MLIP: variants seen among roughly 807,000 people sequenced by gnomAD.
MLIP encodes the protein muscular LMNA interacting protein.
In MLIP, 79 loss-of-function variants were observed where a neutral mutation model predicts 84.8. The observed-to-expected ratio is 0.93, with a 90% CI of 0.78 to 1.12. The LOEUF (loss-of-function observed/expected upper bound fraction) is 1.12. Ranked by LOEUF, MLIP falls within the 50% of genes most tolerant of loss-of-function variation. The pLI, the probability that MLIP is intolerant of heterozygous loss-of-function variation, is 0.00. For missense variants in MLIP, 1,257 were observed against 1,160.6 expected, an observed-to-expected ratio of 1.08 and a Z score of -1.21; for synonymous variants, 504 against 463.0, an observed-to-expected ratio of 1.09 and a Z score of -1.14.
chr6:54,149,228 C>T, intron 5 of MLIP, 101 bp downstream of exon 5: 1 of 1,045,060 alleles, frequency 9.6e-7, no homozygotes, highest in Non-Finnish European at 1.4e-6. Flanking sequence ...TAAAGTTCTG[C>T]CTTTACTAAA....
At position 54,169,427 on chromosome 6, in the gene MLIP, G is replaced by C. The variant is rs192757141; in HGVS notation, c.2500-101G>C. On this transcript the variant is annotated intron_variant, in intron 8 of 13. Transcript: ENST00000502396. ...TATTGTATAGAGAGAGCAATGTTTAGAAAGTCTCAATTGAGAAGAAGGTGA... is the reference window on the plus strand; with the variant it reads ...TATTGTATAGAGAGAGCAATGTTTACAAAGTCTCAATTGAGAAGAAGGTGA... The C allele has an allele frequency of 3.0e-4, 192 of 644,434 alleles. 1 individual carries two copies. In the African/African-American group the frequency reaches 3.4e-3, roughly 11 times the overall value. The allele number at this position is 644,434 out of a possible 1,614,324, so 39.9% of individuals were successfully genotyped here.
chr6:54,178,016 G>A (rs1374670539), intron 9 of MLIP, among the ~76,000 whole-genome samples: 1 of 152,082 alleles, frequency 6.6e-6, no homozygotes, highest in Non-Finnish European at 1.5e-5. Context: ...GACACGGGCA[G>A]GGTGGAGGGG....
intron 1 of MLIP, among the ~76,000 whole-genome samples, chr6:54,071,600 T>C (rs1426364863): frequency 2.0e-5 from 3 of 152,294 alleles, no homozygotes; most frequent in Middle Eastern, 3.4e-3. Flanking sequence ...AAAATATAAA[T>C]GACTTTTAAA....
chr6:54,112,571 A>AGGAAGATGTAT, intron 1 of MLIP, among the ~76,000 whole-genome samples: 1 of 152,290 alleles, frequency 6.6e-6, no homozygotes. Flanking sequence ...GTTATTCTCC[A>AGGAAGATGTAT]ACAGTAACTC....
At chr6:54,188,530 C>T (rs1207831594) in intron 9 of MLIP, among the ~76,000 whole-genome samples, 2 of 152,028 alleles carry the variant, frequency 1.3e-5, no homozygotes, top group South Asian at 4.2e-4. Flanking sequence ...CTTAGGCCTA[C>T]ACAGAGTCAA....
intron 12 of MLIP, among the ~76,000 whole-genome samples, chr6:54,249,512 T>C (rs1782309906): frequency 6.6e-6 from 1 of 151,914 alleles, no homozygotes; most frequent in Non-Finnish European, 1.5e-5. Context: ...GAGAGGAGCT[T>C]TTTCCACATA....
At chr6:54,121,229 C>T (rs997978268) in intron 1 of MLIP, among the ~76,000 whole-genome samples, 2 of 152,142 alleles carry the variant, frequency 1.3e-5, no homozygotes, top group African/African-American at 2.4e-5. Context: ...AGGATCTTCC[C>T]TGGGTGGTAT....
In MLIP at chr6:54,252,479, A is replaced by G. The variant is rs1184002950; in HGVS notation, c.2923-4829A>G. 5.8e-4 allele frequency among the ~76,000 whole-genome samples: 81 copies of G among 139,524 alleles called. 1 individual carries two copies. Among genetic ancestry groups the G allele is most frequent in the Non-Finnish European group, 1.1e-4 (7 of 65,992 alleles). The allele number at this position is 139,524 out of a possible 152,430, so 91.5% of individuals were successfully genotyped here. A position where few individuals can be genotyped will look rare whatever the true frequency, so the allele number is the denominator to read the frequency against. On this transcript the variant is annotated intron_variant, in intron 12 of 13. Coordinates refer to ENST00000502396, the MANE Select transcript of MLIP (RefSeq NM_001281747.2). ...TTATAACATATAATATAAATATAAT[A>G]TATTATAACATAATATAAATATAAT...
At chr6:54,105,709 G>A (rs1156317322) in intron 1 of MLIP, among the ~76,000 whole-genome samples, 1 of 152,102 alleles carries the variant, frequency 6.6e-6, no homozygotes, top group Non-Finnish European at 1.5e-5. Context: ...ATATAAGGTG[G>A]TAAGGGATCT....
chr6:54,144,782 A>T (rs1011670160), intron 4 of MLIP, among the ~76,000 whole-genome samples: 1 of 152,208 alleles, frequency 6.6e-6, no homozygotes, highest in African/African-American at 2.4e-5. Flanking sequence ...CAAAGCAACT[A>T]ACATAGTTCA....
At chr6:54,112,844 C>T (rs1163982248) in intron 1 of MLIP, among the ~76,000 whole-genome samples, 1 of 152,068 alleles carries the variant, frequency 6.6e-6, no homozygotes, top group Non-Finnish European at 1.5e-5. Flanking sequence ...AAAAGCATAC[C>T]TTATTCATTG....
chr6:54,251,274 T>A (rs1453299486), intron 12 of MLIP, among the ~76,000 whole-genome samples: 1 of 151,208 alleles, frequency 6.6e-6, no homozygotes, highest in Non-Finnish European at 1.5e-5. Context: ...TGACAGCCTG[T>A]CATAAATGCA....
chr6:54,220,612 T>C (rs1270877725), intron 11 of MLIP, among the ~76,000 whole-genome samples: 1 of 152,310 alleles, frequency 6.6e-6, no homozygotes, highest in Middle Eastern at 3.4e-3. Flanking sequence ...TATGGGAGTT[T>C]TATTATGCAG....
intron 9 of MLIP, among the ~76,000 whole-genome samples, chr6:54,178,131 G>A (rs1776487578): frequency 1.3e-5 from 2 of 152,046 alleles, no homozygotes; most frequent in South Asian, 2.1e-4. Context: ...GTTGATAGGT[G>A]TAGAAACCAC....
At chr6:54,104,122 T>C (rs1298986794) in intron 1 of MLIP, among the ~76,000 whole-genome samples, 1 of 152,158 alleles carries the variant, frequency 6.6e-6, no homozygotes, top group Admixed American at 6.5e-5. Flanking sequence ...CCGAATATGA[T>C]AAAAGCTTTT....
intron 1 of MLIP, among the ~76,000 whole-genome samples, chr6:54,022,634 A>G (rs1187879447): frequency 2.0e-5 from 3 of 152,170 alleles, no homozygotes; most frequent in African/African-American, 7.2e-5. Context: ...ATCAACAAAG[A>G]GTATTACTTA....
intron 11 of MLIP, among the ~76,000 whole-genome samples, chr6:54,230,032 T>C (rs143281088): frequency 8.5e-5 from 13 of 152,296 alleles, no homozygotes; most frequent in African/African-American, 3.1e-4. Context: ...TCATCGTTTT[T>C]CCATGTTGAA....
intron 12 of MLIP, among the ~76,000 whole-genome samples, chr6:54,251,724 CAT>C (rs1171662313): frequency 9.5e-5 from 9 of 94,740 alleles, no homozygotes; most frequent in African/African-American, 2.0e-4. Flanking sequence ...TATATTATAA[CAT>C]ATGATATAAA....
chr6:54,188,988 G>A (rs771777766), intron 9 of MLIP, among the ~76,000 whole-genome samples: 7 of 152,142 alleles, frequency 4.6e-5, no homozygotes, highest in African/African-American at 1.7e-4. Context: ...GGAATTCTGC[G>A]TCCAGTTGGA....
Sources: gnomAD v4.1 joint callset for allele counts (sites outside exome capture counted in the v4.1 genomes callset) on GRCh38, gnomAD v4.1.1 for gene constraint, MANE v1.5 for transcripts, NCBI Gene and HGNC (gene_info 2026-07-23, HGNC 2026-07-21) for gene names.